Variants in NCKAP5 observed in about 807,000 individuals in gnomAD.
The protein encoded by NCKAP5 is nck-associated protein 5.
NCKAP5 carries 92 observed loss-of-function variants against 167.0 expected under a neutral mutation model. The ratio of observed to expected loss-of-function variants is 0.55; its 90% CI spans 0.47 to 0.66. The LOEUF is 0.66. Ranked by LOEUF, NCKAP5 falls within the 30% of genes least tolerant of loss-of-function variation. The pLI, the probability that NCKAP5 is intolerant of heterozygous loss-of-function variation, is 0.00. For missense variants in NCKAP5, 2,378 were observed against 2,315.0 expected, an observed-to-expected ratio of 1.03 and a Z score of -0.56; for synonymous variants, 891 against 877.4, an observed-to-expected ratio of 1.02 and a Z score of -0.27.
chr2:133,103,505 A>G (rs947699783), intron 6 of NCKAP5, among the ~76,000 whole-genome samples: 2 of 152,322 alleles, frequency 1.3e-5, no homozygotes, highest in African/African-American at 4.8e-5. Context: ...TTTATATGGA[A>G]GCTGTTGGCT....
At chr2:133,632,357 A>C in the NCKAP5 span, among the ~76,000 whole-genome samples, 8 of 152,276 alleles carry the variant, frequency 5.3e-5, no homozygotes, top group East Asian at 5.8e-4. Flanking sequence ...GCAAATTAGA[A>C]AAGAAAAAGC....
Position 133,140,851 on chromosome 2 carries a change from G to T in NCKAP5, c.208-10740C>A, listed in dbSNP as rs185924648. On this transcript the variant is annotated intron_variant, in intron 5 of 19. Coordinates refer to ENST00000409261, the MANE Select transcript of NCKAP5 (RefSeq NM_207363.3). The stretch of plus-strand genomic sequence containing the variant: ...AAAATAATATATTACTATATATTCA[G>T]TTTAATGTATATTATAACCAATAAT... Among the ~76,000 whole-genome samples the T allele has an allele frequency of 3.3e-4, 50 of 150,574 alleles. 1 individual carries two copies. In the East Asian group the frequency reaches 9.7e-3, roughly 29 times the overall value.
chr2:133,330,244 A>AT (rs765058418), intron 3 of NCKAP5, among the ~76,000 whole-genome samples: 60,163 of 88,176 alleles, frequency 0.68, 21,054 homozygotes, highest in South Asian at 0.77. Context: ...TATTTTTTGT[A>AT]TTTTTTTTTT....
chr2:133,406,386 T>A (rs1311997090), intron 3 of NCKAP5, among the ~76,000 whole-genome samples: 1 of 152,152 alleles, frequency 6.6e-6, no homozygotes, highest in Non-Finnish European at 1.5e-5. Flanking sequence ...AGAACTGGAA[T>A]TCAGCCTGAG....
intron 8 of NCKAP5, 60 bp from the exon 9 acceptor site, chr2:132,878,976 C>T (rs752188070): frequency 3.6e-5 from 48 of 1,328,212 alleles, no homozygotes; most frequent in Non-Finnish European, 4.9e-5. Context: ...TATGTGACAA[C>T]TTATTCCATA....
chr2:133,185,751 G>C (rs903078763), intron 5 of NCKAP5, among the ~76,000 whole-genome samples: 2 of 151,708 alleles, frequency 1.3e-5, no homozygotes, highest in African/African-American at 4.8e-5. Flanking sequence ...TCTTGATTTG[G>C]TTCTCAGCTA....
chr2:133,571,336 C>T (rs72994274), upstream of NCKAP5, among the ~76,000 whole-genome samples: 5,581 of 152,030 alleles, frequency 0.037, 355 homozygotes, highest in African/African-American at 0.13. Flanking sequence ...GCTAGACTTA[C>T]GACTTAGCAT....
intron 6 of NCKAP5, among the ~76,000 whole-genome samples, chr2:133,052,273 T>C (rs1297844066): frequency 2.6e-5 from 4 of 152,218 alleles, no homozygotes; most frequent in Non-Finnish European, 4.4e-5. Context: ...ACAGAACTCA[T>C]ACTCTGATCT....
chr2:133,446,665 GC>G (rs1691213598), intron 3 of NCKAP5, among the ~76,000 whole-genome samples: 1 of 152,166 alleles, frequency 6.6e-6, no homozygotes, highest in Admixed American at 6.5e-5. Context: ...GCTTGATTTT[GC>G]CCTGGAATGA....
At chr2:133,065,802 G>A (rs189877191) in intron 6 of NCKAP5, among the ~76,000 whole-genome samples, 33 of 152,246 alleles carry the variant, frequency 2.2e-4, no homozygotes, top group African/African-American at 4.6e-4. Context: ...TCCTCAAAGC[G>A]GTAGTAGAGT....
At chr2:133,266,738 C>T (rs936958150) in intron 4 of NCKAP5, among the ~76,000 whole-genome samples, 1 of 152,202 alleles carries the variant, frequency 6.6e-6, no homozygotes, top group African/African-American at 2.4e-5. Context: ...CGCCGCCAGT[C>T]CCCCTGCGCC....
intron 6 of NCKAP5, among the ~76,000 whole-genome samples, chr2:133,022,147 C>T (rs752644323): frequency 6.6e-6 from 1 of 151,818 alleles, no homozygotes; most frequent in Non-Finnish European, 1.5e-5. Flanking sequence ...GCTAAGAACA[C>T]GTCACCTCAA....
rs529985742 is a variant in NCKAP5, at chr2:132,700,934, G to C, written c.5713+24693C>G. On this transcript the variant is annotated intron_variant, in intron 19 of 19. Transcript: ENST00000409261. ...TGCTGGTTACAATCCCCTGGGCGGGGGGGGGGGCTTTTAAGCAATACTAAT... is the reference window on the plus strand; with the variant it reads ...TGCTGGTTACAATCCCCTGGGCGGGCGGGGGGGCTTTTAAGCAATACTAAT... Among the ~76,000 whole-genome samples, 625 of 150,392 alleles carry C rather than the reference G, an allele frequency of 4.2e-3. 11 individuals carry two copies. The highest frequency in any genetic ancestry group is 0.013 in the African/African-American group (551 of 40,836).
At chr2:133,066,076 T>C (rs2080185225) in intron 6 of NCKAP5, among the ~76,000 whole-genome samples, 3 of 152,230 alleles carry the variant, frequency 2.0e-5, no homozygotes, top group Admixed American at 1.3e-4. Flanking sequence ...TGTATGTATG[T>C]ATTTCCCTCA....
intron 4 of NCKAP5, among the ~76,000 whole-genome samples, chr2:133,280,121 C>T (rs2089883251): frequency 6.6e-6 from 1 of 152,120 alleles, no homozygotes; most frequent in Non-Finnish European, 1.5e-5. Flanking sequence ...GCTACTTTTA[C>T]TGGAATACTT....
intron 11 of NCKAP5, among the ~76,000 whole-genome samples, chr2:132,806,723 CT>C (rs1685470419): frequency 6.6e-6 from 1 of 152,156 alleles, no homozygotes; most frequent in Non-Finnish European, 1.5e-5. Flanking sequence ...TGTGGGCTGT[CT>C]GTTTACTGTG....
chr2:133,520,029 TAA>T (rs879297119), intron 2 of NCKAP5, among the ~76,000 whole-genome samples: 1 of 143,436 alleles, frequency 7.0e-6, no homozygotes, highest in South Asian at 2.2e-4. Context: ...CTACTAAAAA[TAA>T]AAAAAAAAAA....
At chr2:133,072,059 C>T (rs532207316) in intron 6 of NCKAP5, among the ~76,000 whole-genome samples, 6 of 150,232 alleles carry the variant, frequency 4.0e-5, no homozygotes, top group Admixed American at 1.3e-4. Context: ...AGATATGTGC[C>T]ATGCTGTTTC....
chr2:132,755,151 C>T (rs1449777686), intron 16 of NCKAP5, among the ~76,000 whole-genome samples: 1 of 152,202 alleles, frequency 6.6e-6, no homozygotes, highest in African/African-American at 2.4e-5. Flanking sequence ...TGGCTGGAAC[C>T]TAACTATTGG....
Sources: allele counts gnomAD v4.1 joint callset (sites outside exome capture counted in the v4.1 genomes callset), GRCh38; gene constraint gnomAD v4.1.1; transcripts MANE v1.5; gene names NCBI Gene and HGNC (gene_info 2026-07-23, HGNC 2026-07-21).